Variants in ZDHHC24 observed in about 807,000 individuals in gnomAD.
The protein encoded by ZDHHC24 is probable palmitoyltransferase ZDHHC24.
Under a neutral mutation model 23.2 loss-of-function variants are expected in ZDHHC24, and 17 were observed. The ratio of observed to expected loss-of-function variants is 0.73; its 90% CI spans 0.50 to 1.10. ZDHHC24 has a LOEUF of 1.10. Among genes scored for constraint, ZDHHC24 ranks in the 50% least tolerant of loss-of-function variants. The pLI is 0.00. For missense variants in ZDHHC24, 366 were observed against 393.0 expected (o/e 0.93, Z 0.58); for synonymous variants, 186 against 194.5 (o/e 0.96, Z 0.36).
chr11:66,528,686 C>T (rs1450205585), intron 3 of ZDHHC24, among the ~76,000 whole-genome samples: 1 of 151,980 alleles, frequency 6.6e-6, no homozygotes, highest in Non-Finnish European at 1.5e-5. Context: ...TAGACCTTTT[C>T]GGCCAGGTGC....
chr11:66,545,731 C>T lies in ZDHHC24; in HGVS notation c.273G>A (p.Gln91=). 1 of 1,571,956 alleles carries T rather than the reference C, an allele frequency of 6.4e-7. No individual in the cohort carries two copies. The highest frequency in any genetic ancestry group is 1.2e-5 in the South Asian group (1 of 85,736). ...GVMLAGRGLG[Q]GWAYCYQCQS... ...TCCCGCACCCCACTCACGCCCAGCC[C>T]TGGCCCAGACCGCGGCCGGCCAGCA... The change falls in exon 1 of 3, where the codon CAG becomes CAA. Residue 91 remains glutamine, a synonymous_variant. Coordinates refer to ENST00000310442, the MANE Select transcript of ZDHHC24 (RefSeq NM_207340.3). This position sits in a 1 kb window ranked among gnomAD's most constrained non-coding sequence, Gnocchi z 4.5.
chr11:66,524,130 A>C, intron 4 of ZDHHC24: 4 of 511,342 alleles, frequency 7.8e-6, no homozygotes, highest in East Asian at 4.0e-5. Context: ...AAATACAAAA[A>C]TTAGCCGGGC....
rs1448990095 is a variant in ZDHHC24, at chr11:66,545,997, G to A, written c.7C>T (p.Gln3Ter). 6 of 1,395,660 alleles carry A rather than the reference G, an allele frequency of 4.3e-6. No individual in the cohort carries two copies. Among genetic ancestry groups the A allele is most frequent in the Non-Finnish European group, 5.5e-6 (6 of 1,086,338 alleles). 86.5% of individuals were successfully genotyped at this position (1,395,660 alleles called of 1,614,324 possible). ...TCCGTGCTCCCAGCCGCCCAGGGCT[G>A]CCCCATGGCCTGGACACCCAGCTGT... is the stretch of plus-strand genomic sequence containing the variant. The part of the protein sequence containing the change: MG[Q>*]PWAAGSTDGA... Residue 3 changes from glutamine to a stop codon, truncating the protein, a stop_gained, in exon 1 of 3, where the codon CAG (glutamine) becomes TAG (stop). Coordinates refer to ENST00000310442, the MANE Select transcript of ZDHHC24 (RefSeq NM_207340.3). LOFTEE classifies it high-confidence loss of function. This position sits in a 1 kb window ranked among gnomAD's most constrained non-coding sequence, Gnocchi z 4.5.
intron 2 of ZDHHC24, among the ~76,000 whole-genome samples, chr11:66,541,914 G>A (rs533035875): frequency 1.3e-5 from 2 of 152,118 alleles, no homozygotes; most frequent in African/African-American, 4.8e-5. Flanking sequence ...TTAGAGCAGG[G>A]CAAGCGCTGG....
chr11:66,534,152 C>T (rs142706899), downstream of ZDHHC24, among the ~76,000 whole-genome samples: 1,969 of 149,262 alleles, frequency 0.013, 47 homozygotes, highest in African/African-American at 0.046. Flanking sequence ...CTGGGCAAAA[C>T]GAGCGAAACT....
At chr11:66,521,256 C>T in exon 5 of ZDHHC24, 1 of 1,608,678 alleles carries the variant, frequency 6.2e-7, no homozygotes, top group Non-Finnish European at 8.5e-7. Context: ...AGTGTTTGCG[C>T]TTCTTGTTTG....
At chr11:66,531,645 C>T (rs746283173), downstream of ZDHHC24, 4 of 1,614,058 alleles carry the variant, frequency 2.5e-6, no homozygotes, top group Non-Finnish European at 3.4e-6. Flanking sequence ...CTTCTTTGTC[C>T]CCAAACTTAG....
downstream of ZDHHC24, chr11:66,532,873 C>T (rs1473680706): frequency 6.6e-6 from 1 of 152,406 alleles, no homozygotes; most frequent in Admixed American, 6.5e-5. Flanking sequence ...TTCTGGGGCT[C>T]CAGAGAAGTG....
chr11:66,545,606 T>G lies in ZDHHC24; in HGVS notation c.281+117A>C. On this transcript the variant is annotated intron_variant, in intron 1 of 2. Coordinates refer to ENST00000310442, the MANE Select transcript of ZDHHC24 (RefSeq NM_207340.3). The surrounding 1 kb of genome is among the most constrained non-coding windows in gnomAD (Gnocchi z 4.5). ...TTCCATCCCAGGTTCTAAAAAAATG[T>G]CTGATTCTAACAACCTGGATCCTAA... The G allele has an allele frequency of 8.2e-7, 1 of 1,220,446 alleles. No homozygotes were observed. Among genetic ancestry groups the G allele is most frequent in the Non-Finnish European group, 1.1e-6 (1 of 919,994 alleles). 75.6% of individuals were successfully genotyped at this position (1,220,446 alleles called of 1,614,324 possible). A position where few individuals can be genotyped will look rare whatever the true frequency, so the allele number is the denominator to read the frequency against.
At chr11:66,540,226 T>G (rs1363576768) in intron 2 of ZDHHC24, among the ~76,000 whole-genome samples, 1 of 151,990 alleles carries the variant, frequency 6.6e-6, no homozygotes, top group Non-Finnish European at 1.5e-5. Context: ...GAGACCAGCC[T>G]TGACAACACG....
chr11:66,521,230 G>A (rs1565284378), exon 5 of ZDHHC24: 3 of 1,504,830 alleles, frequency 2.0e-6, no homozygotes, highest in Non-Finnish European at 1.9e-6. Flanking sequence ...AGGGACGGGG[G>A]CTCCAGAGAA....
At chr11:66,531,611 C>T (rs754278028), downstream of ZDHHC24, 23 of 1,613,378 alleles carry the variant, frequency 1.4e-5, no homozygotes, top group Non-Finnish European at 1.9e-5. Flanking sequence ...ATGCCAAACA[C>T]TGGCACGAGG....
At position 66,537,639 on chromosome 11, in the gene ZDHHC24, T is replaced by G. The variant is rs907099205; in HGVS notation, c.*1890A>C. ...TCACGAGGTCAGTAGATCAAGACCA[T>G]CCTGGCCGGCCAGGAGTGGTGGCTC... On this transcript the variant is annotated 3_prime_UTR_variant, in exon 3 of 3. Transcript: ENST00000310442. 2.1e-5 allele frequency: 3 copies of G among 140,090 alleles called. No individual in the cohort carries two copies. Among genetic ancestry groups the G allele is most frequent in the Non-Finnish European group, 3.1e-5 (2 of 64,096 alleles). The allele number at this position is 140,090 out of a possible 1,614,324, so 8.7% of individuals were successfully genotyped here.
chr11:66,541,403 CA>C (rs59885168), intron 2 of ZDHHC24, among the ~76,000 whole-genome samples: 2,046 of 99,592 alleles, frequency 0.021, 67 homozygotes, highest in South Asian at 0.2. Context: ...AACTCCATCT[CA>C]AAAAAAAAAA....
chr11:66,545,854 GGC>G lies in ZDHHC24; in HGVS notation c.148_149del (p.Ala50ProfsTer188). On this transcript the variant is annotated frameshift_variant, in exon 1 of 3. Coordinates refer to ENST00000310442, the MANE Select transcript of ZDHHC24 (RefSeq NM_207340.3). LOFTEE classifies it high-confidence loss of function. This position sits in a 1 kb window ranked among gnomAD's most constrained non-coding sequence, Gnocchi z 4.5. ...CGGCCAGCGCCAGCTGCAAGGCCCG[GGC>G]CAGGGGTCCCAGCGGCGGCGGCCCG... ...GPGPPPLGPL[A>X]RALQLALAAF... The G allele has an allele frequency of 6.4e-7, 1 of 1,555,188 alleles. No individual in the cohort carries two copies. Among genetic ancestry groups the G allele is most frequent in the African/African-American group, 1.4e-5 (1 of 73,700 alleles).
chr11:66,532,149 C>T (rs1327328382), downstream of ZDHHC24: 14 of 1,191,576 alleles, frequency 1.2e-5, no homozygotes, highest in Non-Finnish European at 3.5e-6. Context: ...CAGCTCGTCT[C>T]CCCTCTCTTA....
At chr11:66,543,487 A>G (rs927971674) in intron 2 of ZDHHC24, among the ~76,000 whole-genome samples, 2 of 152,132 alleles carry the variant, frequency 1.3e-5, no homozygotes, top group African/African-American at 4.8e-5. Context: ...AACTCCAGGA[A>G]TCTCCCAATT....
In ZDHHC24 at chr11:66,545,465, C is replaced by G. The variant is rs1857285765; in HGVS notation, c.281+258G>C. 6.6e-6 allele frequency among the ~76,000 whole-genome samples: 1 copy of G among 152,152 alleles called. No individual in the cohort carries two copies. Among genetic ancestry groups the G allele is most frequent in the East Asian group, 1.9e-4 (1 of 5,196 alleles). ...TATTCCTCTAGTTTCTCATCTGCAC[C>G]CCCCTCAAATCAGGAATTTGTTCTA... On this transcript the variant is annotated intron_variant, in intron 1 of 2. Coordinates refer to ENST00000310442, the MANE Select transcript of ZDHHC24 (RefSeq NM_207340.3). This position sits in a 1 kb window ranked among gnomAD's most constrained non-coding sequence, Gnocchi z 4.5.
chr11:66,529,477 G>C (rs746810619), exon 3 of ZDHHC24: 19 of 744,530 alleles, frequency 2.6e-5, no homozygotes, highest in Non-Finnish European at 9.5e-6. Context: ...GCTGTGGCAG[G>C]ACATGGATTG....
Sources: gnomAD v4.1 joint callset for allele counts (sites outside exome capture counted in the v4.1 genomes callset) on GRCh38, gnomAD v4.1.1 for gene constraint, Gnocchi (gnomAD v3.1) non-coding constraint, MANE v1.5 for transcripts, NCBI Gene and HGNC (gene_info 2026-07-23, HGNC 2026-07-21) for gene names.